MAPK4: variants seen among roughly 807,000 people sequenced by gnomAD.
MAPK4 encodes the protein mitogen-activated protein kinase 4, also known as Erk3-related.
MAPK4 carries 22 observed loss-of-function variants against 47.7 expected under a neutral mutation model. The observed-to-expected ratio is 0.46, with a 90% CI of 0.33 to 0.66. The LOEUF is 0.66. MAPK4 is among the 30% of genes least tolerant of loss of function. MAPK4 has a pLI of 0.02. For synonymous variants in MAPK4, 390 were observed against 365.7 expected (o/e 1.07, Z -0.76); for missense variants, 736 against 831.7 (o/e 0.88, Z 1.42).
chr18:50,574,154 C>G (rs543118153), intron 1 of MAPK4, among the ~76,000 whole-genome samples: 13 of 152,230 alleles, frequency 8.5e-5, no homozygotes, highest in African/African-American at 2.6e-4. Context: ...TTCATTCTGT[C>G]TTGAATCATA....
chr18:50,568,148 A>T (rs1016663694), intron 1 of MAPK4, among the ~76,000 whole-genome samples: 5 of 151,402 alleles, frequency 3.3e-5, no homozygotes, highest in Middle Eastern at 3.4e-3. Flanking sequence ...GTGAGCCGAG[A>T]TCGGGCCACT....
chr18:50,606,914 G>A (rs1306781440), intron 1 of MAPK4, among the ~76,000 whole-genome samples: 1 of 152,314 alleles, frequency 6.6e-6, no homozygotes, highest in South Asian at 2.1e-4. Context: ...ACATGTGAAA[G>A]TTCAAAGCCT....
intron 1 of MAPK4, among the ~76,000 whole-genome samples, chr18:50,634,103 C>T (rs1027828210): frequency 3.3e-5 from 5 of 152,152 alleles, no homozygotes; most frequent in African/African-American, 9.7e-5. Flanking sequence ...CTCTCAGGTG[C>T]ACCATTTCTC....
intron 3 of MAPK4, 128 bp from the exon 4 acceptor site, chr18:50,721,810 C>G (rs552162189): frequency 1.8e-5 from 15 of 819,432 alleles, no homozygotes; most frequent in Admixed American, 5.9e-5. Context: ...ACCAGAACCC[C>G]GGTCCCAGCC....
At chr18:50,573,157 T>G (rs2042264680) in intron 1 of MAPK4, among the ~76,000 whole-genome samples, 1 of 152,230 alleles carries the variant, frequency 6.6e-6, no homozygotes, top group South Asian at 2.1e-4. Context: ...ATTTGATGTT[T>G]TAAATAAGCA....
At chr18:50,652,644 T>C (rs2043062890) in intron 1 of MAPK4, among the ~76,000 whole-genome samples, 1 of 152,172 alleles carries the variant, frequency 6.6e-6, no homozygotes, top group South Asian at 2.1e-4. Flanking sequence ...CAGATATTAA[T>C]ATTGATGCAG....
intron 1 of MAPK4, among the ~76,000 whole-genome samples, chr18:50,660,032 A>G (rs1190507839): frequency 6.6e-6 from 1 of 152,216 alleles, no homozygotes; most frequent in Non-Finnish European, 1.5e-5. Context: ...CTCTCAGCAT[A>G]TCATGCAAGA....
At position 50,643,788 on chromosome 18, in the gene MAPK4, G is replaced by A. The variant is rs575433757; in HGVS notation, c.-870-19301G>A. ...TGCCTCTTGTTGACCTCAGTCTAGG[G>A]CCTCTCCAAATATCCATGGGGCTGA... On this transcript the variant is annotated intron_variant, in intron 1 of 5. Coordinates refer to ENST00000400384, the MANE Select transcript of MAPK4 (RefSeq NM_002747.4). 7.2e-5 allele frequency among the ~76,000 whole-genome samples: 11 copies of A among 152,250 alleles called. No homozygotes were observed. The South Asian group carries it at 1.2e-3, about 17-fold the overall frequency.
rs1023394560 is a variant in MAPK4, at chr18:50,570,242, A to G, written c.-871+9999A>G. Among the ~76,000 whole-genome samples the G allele has an allele frequency of 2.6e-5, 4 of 152,242 alleles. No homozygotes were observed. In the South Asian group the frequency reaches 8.3e-4, roughly 32 times the overall value. ...AGCTGGAAAGCAGAAGTTGGGATGG[A>G]TATATTTCAACTAACTGGACATAGC... On this transcript the variant is annotated intron_variant, in intron 1 of 5. Coordinates refer to ENST00000400384, the MANE Select transcript of MAPK4 (RefSeq NM_002747.4).
intron 1 of MAPK4, among the ~76,000 whole-genome samples, chr18:50,582,807 A>G (rs1471927878): frequency 6.6e-6 from 1 of 152,234 alleles, no homozygotes; most frequent in Non-Finnish European, 1.5e-5. Flanking sequence ...CAGTGTCTAG[A>G]TGAGGGGAAC....
At chr18:50,698,783 A>G (rs1909634108) in intron 2 of MAPK4, among the ~76,000 whole-genome samples, 1 of 152,176 alleles carries the variant, frequency 6.6e-6, no homozygotes, top group African/African-American at 2.4e-5. Context: ...TAATCCCAGC[A>G]CTTTGGGAGG....
intron 3 of MAPK4, among the ~76,000 whole-genome samples, chr18:50,719,060 G>A (rs1910787894): frequency 6.7e-6 from 1 of 148,978 alleles, no homozygotes; most frequent in Non-Finnish European, 1.5e-5. Context: ...CTCCAGCCTG[G>A]GCGACAGAGC....
At chr18:50,725,543 C>T (rs1452766238) in intron 4 of MAPK4, among the ~76,000 whole-genome samples, 4 of 152,228 alleles carry the variant, frequency 2.6e-5, no homozygotes, top group Admixed American at 2.0e-4. Context: ...GTGTGGCCCA[C>T]ACTGTCTCTG....
intron 2 of MAPK4, among the ~76,000 whole-genome samples, chr18:50,709,293 GGGCCTTCCTGA>G (rs1013260492): frequency 2.6e-5 from 4 of 152,150 alleles, no homozygotes; most frequent in South Asian, 4.1e-4. Flanking sequence ...GCAGTGCCAG[GGGCCTTCCTGA>G]GGCCTTCCTG....
intron 2 of MAPK4, among the ~76,000 whole-genome samples, chr18:50,674,841 A>G (rs897328961): frequency 1.3e-5 from 2 of 152,182 alleles, no homozygotes; most frequent in African/African-American, 4.8e-5. Context: ...TATCTGATCC[A>G]TTGTATGAGT....
intron 1 of MAPK4, among the ~76,000 whole-genome samples, chr18:50,576,103 G>A (rs1317749805): frequency 6.7e-6 from 1 of 150,218 alleles, no homozygotes; most frequent in Non-Finnish European, 1.5e-5. Context: ...AGAACTCAAA[G>A]CAGAATTACC....
intron 1 of MAPK4, among the ~76,000 whole-genome samples, chr18:50,598,182 A>C (rs993394932): frequency 2.0e-5 from 3 of 152,234 alleles, no homozygotes; most frequent in Admixed American, 6.5e-5. Context: ...GAATGGAGTC[A>C]GCTGGGTTTA....
At chr18:50,677,449 C>A (rs893330608) in intron 2 of MAPK4, among the ~76,000 whole-genome samples, 1 of 152,142 alleles carries the variant, frequency 6.6e-6, no homozygotes, top group Non-Finnish European at 1.5e-5. Flanking sequence ...TATTCGGTTA[C>A]TGAAAGAAAA....
intron 2 of MAPK4, among the ~76,000 whole-genome samples, chr18:50,687,355 C>G (rs1443966575): frequency 6.6e-6 from 1 of 152,128 alleles, no homozygotes; most frequent in South Asian, 2.1e-4. Flanking sequence ...CATCCTTGGC[C>G]GCTACTTACT....
Sources: gnomAD v4.1 joint callset for allele counts (sites outside exome capture counted in the v4.1 genomes callset) on GRCh38, gnomAD v4.1.1 for gene constraint, MANE v1.5 for transcripts, NCBI Gene and HGNC (gene_info 2026-07-23, HGNC 2026-07-21) for gene names.